Variants in AHCTF1 observed in about 807,000 individuals in gnomAD.
AHCTF1 encodes the protein AT-hook containing transcription factor 1, also known as protein ELYS.
AHCTF1 carries 24 observed loss-of-function variants against 248.4 expected under a neutral mutation model. The observed-to-expected ratio is 0.10, with a 90% confidence interval of 0.07 to 0.14. The LOEUF (loss-of-function observed/expected upper bound fraction) is 0.14, where lower values mean the gene tolerates loss of function less well. AHCTF1 is among the 10% of genes least tolerant of loss of function. AHCTF1 has a pLI of 1.00. For synonymous variants in AHCTF1, 786 were observed against 929.8 expected (o/e 0.85, Z 2.81); for missense variants, 2,206 against 2,636.2 (o/e 0.84, Z 3.57).
intron 19 of AHCTF1, 74 bp downstream of exon 19, chr1:246,888,103 T>C (rs751974412): frequency 6.0e-6 from 9 of 1,506,470 alleles, no homozygotes; most frequent in Middle Eastern, 1.7e-4. Context: ...ATTAGATATG[T>C]CAGGTTTCCA....
chr1:246,903,764 G>T (rs1280247160), intron 7 of AHCTF1, among the ~76,000 whole-genome samples, 185 bp downstream of exon 7: 5 of 151,370 alleles, frequency 3.3e-5, no homozygotes, highest in Admixed American at 3.3e-4. Flanking sequence ...CTTGAATCCG[G>T]GTGGCGGAGG....
chr1:246,875,342 C>T (rs72766511), intron 24 of AHCTF1, among the ~76,000 whole-genome samples: 3,158 of 152,258 alleles, frequency 0.021, 55 homozygotes, highest in Middle Eastern at 0.027. Flanking sequence ...GAATCCTCCC[C>T]GGTGTTGTCC....
At chr1:246,870,419 T>C (rs780870162) in intron 24 of AHCTF1, among the ~76,000 whole-genome samples, 2 of 152,048 alleles carry the variant, frequency 1.3e-5, no homozygotes, top group Non-Finnish European at 2.9e-5. Flanking sequence ...AAAGACCTTG[T>C]CTCTTAAAAA....
At chr1:246,873,795 G>A (rs1488643945) in intron 24 of AHCTF1, among the ~76,000 whole-genome samples, 1 of 152,192 alleles carries the variant, frequency 6.6e-6, no homozygotes, top group Non-Finnish European at 1.5e-5. Context: ...ACTGGAGCAA[G>A]CTCCCCTTTC....
chr1:246,915,196 G>A (rs1487633923), intron 3 of AHCTF1, among the ~76,000 whole-genome samples: 1 of 152,124 alleles, frequency 6.6e-6, no homozygotes, highest in Non-Finnish European at 1.5e-5. Context: ...TGGGCGTGGT[G>A]GTGCACGCCT....
Position 246,907,768 on chromosome 1 carries a change from CA to C in AHCTF1, c.557-11del. Reference sequence around the variant, plus strand: ...GTTAGAACTTCAAGATCTAAAACCACAAATTAGACAAATGAAGTTAAAAAAC... The same window carrying C: ...GTTAGAACTTCAAGATCTAAAACCACAATTAGACAAATGAAGTTAAAAAAC... On this transcript the variant is annotated splice_polypyrimidine_tract_variant and intron_variant, in intron 4 of 35. Coordinates refer to ENST00000648844, the MANE Select transcript of AHCTF1 (RefSeq NM_001323342.2). 4 of 1,599,292 alleles carry C rather than the reference CA, an allele frequency of 2.5e-6. No homozygotes were observed. Among genetic ancestry groups the C allele is most frequent in the Non-Finnish European group, 3.4e-6 (4 of 1,173,588 alleles).
intron 1 of AHCTF1, among the ~76,000 whole-genome samples, chr1:246,919,896 T>C (rs1247611527): frequency 3.3e-5 from 5 of 151,616 alleles, no homozygotes; most frequent in Admixed American, 3.3e-4. Flanking sequence ...GTAACACCAC[T>C]TTGGGAGGCC....
chr1:246,898,621 A>AACACACACACAC lies in AHCTF1; in HGVS notation c.1495-297_1495-286dup, dbSNP rs74163703. The stretch of plus-strand genomic sequence containing the variant: ...GACAGATTTGGTGACATCTTGACAA[A>AACACACACACAC]ACACACACACACACACACACACACA... On this transcript the variant is annotated intron_variant, in intron 11 of 35. Coordinates refer to ENST00000648844, the MANE Select transcript of AHCTF1 (RefSeq NM_001323342.2). Among the ~76,000 whole-genome samples the AACACACACACAC allele has an allele frequency of 5.3e-3, 781 of 147,060 alleles. 5 individuals are homozygous for AACACACACACAC. The highest frequency in any genetic ancestry group is 0.019 in the African/African-American group (756 of 39,900).
intron 13 of AHCTF1, among the ~76,000 whole-genome samples, chr1:246,895,386 T>A (rs1279562148): frequency 6.6e-6 from 1 of 152,186 alleles, no homozygotes; most frequent in Admixed American, 6.5e-5. Flanking sequence ...CTCAAATGGT[T>A]CTGAACAGAC....
chr1:246,905,631 T>C lies in AHCTF1; in HGVS notation c.791A>G (p.Gln264Arg), dbSNP rs1665333557. The stretch of plus-strand genomic sequence containing the variant: ...AAAAGTGACAGCATATACAGGAACT[T>C]GTCCACTTTCCAATTGTATGTAATA... ...REYYIQLESGQVPVYAVTFQE... is the reference protein window; with the variant it reads ...REYYIQLESGRVPVYAVTFQE... Residue 264 changes from glutamine to arginine, a missense_variant, in exon 6 of 36, where the codon CAA becomes CGA. Gln to Arg is a conservative substitution (Grantham distance 43). Around this residue, in one of 6 missense-constraint regions of AHCTF1, gnomAD observed 650 missense variants for 870.8 expected, o/e 0.75. Coordinates refer to ENST00000648844, the MANE Select transcript of AHCTF1 (RefSeq NM_001323342.2). The C allele has an allele frequency of 6.2e-7, 1 of 1,612,944 alleles. No homozygotes were observed. Among genetic ancestry groups the C allele is most frequent in the Non-Finnish European group, 8.5e-7 (1 of 1,179,580 alleles).
At chr1:246,853,630 C>G (rs528702836) in intron 31 of AHCTF1, among the ~76,000 whole-genome samples, 1 of 150,550 alleles carries the variant, frequency 6.6e-6, no homozygotes, top group Non-Finnish European at 1.5e-5. Flanking sequence ...AACCAGCTAT[C>G]CTTGTAGAGT....
intron 29 of AHCTF1, among the ~76,000 whole-genome samples, 180 bp from the exon 30 acceptor site, chr1:246,857,994 G>A (rs1478970697): frequency 7.3e-6 from 1 of 136,924 alleles, no homozygotes; most frequent in African/African-American, 2.7e-5. Context: ...GAGTCTTGCT[G>A]TGTCGCCCAG....
intron 33 of AHCTF1, among the ~76,000 whole-genome samples, chr1:246,845,733 CTT>C (rs1003567825): frequency 7.2e-5 from 11 of 152,270 alleles, no homozygotes; most frequent in East Asian, 1.9e-4. Context: ...TTACCCATCT[CTT>C]GTTTTGAGGA....
intron 19 of AHCTF1, among the ~76,000 whole-genome samples, chr1:246,887,961 T>A (rs1388797108): frequency 6.6e-6 from 1 of 152,182 alleles, no homozygotes; most frequent in Non-Finnish European, 1.5e-5. Context: ...AAGTACCCTA[T>A]ACCTAGAAAA....
chr1:246,925,729 G>C (rs981247439), intron 1 of AHCTF1, among the ~76,000 whole-genome samples: 10 of 152,230 alleles, frequency 6.6e-5, no homozygotes, highest in African/African-American at 2.4e-4. Context: ...TGGGTCATGG[G>C]AGAGGACCCC....
chr1:246,865,016 G>A (rs1661864746), intron 26 of AHCTF1, among the ~76,000 whole-genome samples: 1 of 152,148 alleles, frequency 6.6e-6, no homozygotes, highest in Admixed American at 6.5e-5. Context: ...TAGTCCCAAT[G>A]ATAAAACTGA....
intron 2 of AHCTF1, among the ~76,000 whole-genome samples, chr1:246,917,094 A>T (rs1196031963): frequency 2.0e-5 from 3 of 152,212 alleles, no homozygotes; most frequent in African/African-American, 7.2e-5. Flanking sequence ...TGATTTATGC[A>T]TGTTTTTAAA....
At position 246,888,549 on chromosome 1, in the gene AHCTF1, A is replaced by G. The variant is rs767253974; in HGVS notation, c.2145-32T>C. The G allele has an allele frequency of 3.1e-6, 5 of 1,609,526 alleles. No homozygotes were observed. The African/African-American group carries it at 5.4e-5, about 17-fold the overall frequency. On this transcript the variant is annotated intron_variant, in intron 17 of 35. Transcript: ENST00000648844. ...TCAGGGAAAAATTAAGACTTATTTA[A>G]TATCACTGTTAATTAATATCAAAGC...
At chr1:246,841,058 G>A in intron 35 of AHCTF1, 60 bp from the exon 36 acceptor site, 2 of 1,453,970 alleles carry the variant, frequency 1.4e-6, no homozygotes, top group Non-Finnish European at 1.8e-6. Context: ...AATAAAATTG[G>A]CTTCCCAACA....
Sources: gnomAD v4.1 joint callset for allele counts (sites outside exome capture counted in the v4.1 genomes callset) on GRCh38, gnomAD v4.1.1 for gene constraint, gnomAD v4.1.1 regional missense constraint, MANE v1.5 for transcripts, NCBI Gene and HGNC (gene_info 2026-07-23, HGNC 2026-07-21) for gene names.